Variants in VAT1L observed in about 807,000 individuals in gnomAD.
VAT1L encodes vesicle amine transport 1 like.
VAT1L carries 34 observed loss-of-function variants against 44.1 expected under a neutral mutation model. That is an observed-to-expected ratio of 0.77 (90% confidence interval 0.59 to 1.03). The LOEUF is 1.03. VAT1L is among the 50% of genes least tolerant of loss of function. The probability of loss-of-function intolerance (pLI) is 0.00; values close to 1 mark genes in which losing one functional copy is unlikely to be tolerated. For missense variants in VAT1L, 615 were observed against 538.8 expected, an observed-to-expected ratio of 1.14 and a Z score of -1.40; for synonymous variants, 253 against 202.2, an observed-to-expected ratio of 1.25 and a Z score of -2.13.
chr16:77,951,072 G>C (rs758862500), intron 7 of VAT1L, among the ~76,000 whole-genome samples: 1 of 152,150 alleles, frequency 6.6e-6, no homozygotes, highest in African/African-American at 2.4e-5. Context: ...ATATTAACCT[G>C]ATCAAAGCTT....
chr16:77,952,953 T>A (rs1290072929), intron 7 of VAT1L, among the ~76,000 whole-genome samples: 1 of 151,596 alleles, frequency 6.6e-6, no homozygotes, highest in East Asian at 1.9e-4. Flanking sequence ...TGTGACTTTA[T>A]TTGGAAACGG....
chr16:77,874,198 G>T (rs2017063436), intron 4 of VAT1L, among the ~76,000 whole-genome samples: 1 of 152,064 alleles, frequency 6.6e-6, no homozygotes, highest in Admixed American at 6.5e-5. Context: ...ACCACAGGTG[G>T]GCATCCTGCA....
intron 7 of VAT1L, among the ~76,000 whole-genome samples, chr16:77,949,034 A>G (rs1271372324): frequency 6.6e-6 from 1 of 152,212 alleles, no homozygotes; most frequent in Non-Finnish European, 1.5e-5. Context: ...CATAAGATCT[A>G]TCAGTAATCT....
chr16:77,792,972 G>A (rs149272440), intron 1 of VAT1L, among the ~76,000 whole-genome samples: 62 of 152,176 alleles, frequency 4.1e-4, no homozygotes, highest in East Asian at 1.5e-3. Context: ...TTTGGTTGCC[G>A]TATAAACTTT....
chr16:77,971,818 C>T (rs1567526739), intron 7 of VAT1L, 32 bp from the exon 8 acceptor site: 3 of 1,603,972 alleles, frequency 1.9e-6, no homozygotes, highest in Non-Finnish European at 1.7e-6. Context: ...TCTCGCCTAA[C>T]CAGCACCTCT....
chr16:77,893,911 TTA>T (rs2017294535), intron 7 of VAT1L, among the ~76,000 whole-genome samples: 1 of 152,200 alleles, frequency 6.6e-6, no homozygotes, highest in Non-Finnish European at 1.5e-5. Context: ...CATAGCATGT[TTA>T]TATGTGCCAA....
intron 7 of VAT1L, among the ~76,000 whole-genome samples, chr16:77,904,708 A>G (rs2017421688): frequency 6.6e-6 from 1 of 152,230 alleles, no homozygotes; most frequent in Non-Finnish European, 1.5e-5. Context: ...TTCCCTAGGG[A>G]GAGATTTAGA....
chr16:77,853,020 C>G (rs1398765019), intron 3 of VAT1L, among the ~76,000 whole-genome samples: 1 of 152,186 alleles, frequency 6.6e-6, no homozygotes, highest in Admixed American at 6.5e-5. Context: ...AATGAATCAA[C>G]CTATATGCTT....
chr16:77,876,109 A>G (rs1295569999), intron 4 of VAT1L, among the ~76,000 whole-genome samples: 2 of 152,186 alleles, frequency 1.3e-5, no homozygotes, highest in African/African-American at 4.8e-5. Context: ...ACTGACCCCA[A>G]GTTCATTCCT....
At chr16:77,928,313 C>G (rs1263978908) in intron 7 of VAT1L, among the ~76,000 whole-genome samples, 1 of 152,134 alleles carries the variant, frequency 6.6e-6, no homozygotes, top group Non-Finnish European at 1.5e-5. Context: ...TACATAATTG[C>G]TTAACACACT....
intron 4 of VAT1L, among the ~76,000 whole-genome samples, chr16:77,864,037 T>A (rs1397068783): frequency 1.3e-5 from 2 of 152,178 alleles, no homozygotes; most frequent in East Asian, 3.9e-4. Flanking sequence ...TTATAACCTG[T>A]GATTCTGAAG....
chr16:77,924,098 G>A (rs562624632), intron 7 of VAT1L, among the ~76,000 whole-genome samples: 1 of 152,148 alleles, frequency 6.6e-6, no homozygotes, highest in Non-Finnish European at 1.5e-5. Flanking sequence ...TTGTCTCCAT[G>A]TGTACATAAT....
At chr16:77,839,170 G>A (rs556790732) in intron 3 of VAT1L, among the ~76,000 whole-genome samples, 34 of 152,246 alleles carry the variant, frequency 2.2e-4, no homozygotes, top group African/African-American at 7.7e-4. Context: ...ACTGAGGACT[G>A]ATGTCTGAAG....
At chr16:77,811,134 A>G (rs751984185) in intron 1 of VAT1L, among the ~76,000 whole-genome samples, 9 of 152,126 alleles carry the variant, frequency 5.9e-5, no homozygotes, top group African/African-American at 1.2e-4. Flanking sequence ...TTGGATTTTC[A>G]TGATTGATGC....
At chr16:77,930,604 A>G (rs566527394) in intron 7 of VAT1L, among the ~76,000 whole-genome samples, 1 of 152,282 alleles carries the variant, frequency 6.6e-6, no homozygotes, top group African/African-American at 2.4e-5. Context: ...TAGGTTCCGT[A>G]GCACTCAATA....
chr16:77,882,693 T>C (rs1049569084), intron 6 of VAT1L, among the ~76,000 whole-genome samples: 2 of 152,230 alleles, frequency 1.3e-5, no homozygotes, highest in Admixed American at 1.3e-4. Context: ...GCAGCAAGCA[T>C]TCATTCCACA....
At chr16:77,953,069 AAG>A (rs907154685) in intron 7 of VAT1L, among the ~76,000 whole-genome samples, 1 of 152,048 alleles carries the variant, frequency 6.6e-6, no homozygotes, top group Non-Finnish European at 1.5e-5. Context: ...AGAAGGAAAA[AAG>A]AGAGAGAGAA....
At chr16:77,847,741 T>C (rs575022447) in intron 3 of VAT1L, among the ~76,000 whole-genome samples, 1 of 152,310 alleles carries the variant, frequency 6.6e-6, no homozygotes, top group South Asian at 2.1e-4. Flanking sequence ...TCAGTGACAG[T>C]AAGTGTCACT....
At chr16:77,947,398 G>T (rs1055664588) in intron 7 of VAT1L, among the ~76,000 whole-genome samples, 6 of 152,174 alleles carry the variant, frequency 3.9e-5, no homozygotes, top group South Asian at 2.1e-4. Context: ...GATCAAGTGG[G>T]TTTTAACAGC....
Sources: allele counts gnomAD v4.1 joint callset (sites outside exome capture counted in the v4.1 genomes callset), GRCh38; gene constraint gnomAD v4.1.1; transcripts MANE v1.5; gene names NCBI Gene and HGNC (gene_info 2026-07-23, HGNC 2026-07-21).